Variants in SPOCK1 observed in about 807,000 individuals in gnomAD.
The protein encoded by SPOCK1 is testican-1.
A neutral mutation model predicts 55.3 loss-of-function variants in SPOCK1; 23 were observed. The ratio of observed to expected loss-of-function variants is 0.42; its 90% CI spans 0.30 to 0.59. The LOEUF (loss-of-function observed/expected upper bound fraction) is 0.59. Among genes scored for constraint, SPOCK1 ranks in the 20% least tolerant of loss-of-function variants. The pLI is 0.22. For synonymous variants in SPOCK1, 226 were observed against 221.0 expected (o/e 1.02, Z -0.20); for missense variants, 499 against 552.5 (o/e 0.90, Z 0.97).
At chr5:137,234,916 C>A (rs1292094595) in intron 3 of SPOCK1, among the ~76,000 whole-genome samples, 1 of 152,216 alleles carries the variant, frequency 6.6e-6, no homozygotes, top group Non-Finnish European at 1.5e-5. Flanking sequence ...GAGAGATGAA[C>A]ATCTTACAAC....
intron 3 of SPOCK1, among the ~76,000 whole-genome samples, chr5:137,235,014 C>T (rs1360769147): frequency 6.6e-6 from 1 of 152,208 alleles, no homozygotes; most frequent in African/African-American, 2.4e-5. Flanking sequence ...GACAGTACTG[C>T]TACGGAAGTG....
At chr5:137,149,390 G>T (rs1754268710) in intron 3 of SPOCK1, among the ~76,000 whole-genome samples, 1 of 152,036 alleles carries the variant, frequency 6.6e-6, no homozygotes, top group South Asian at 2.1e-4. Context: ...TAATAGTAAA[G>T]GTATTTGGGT....
At chr5:137,235,632 CTG>C (rs1441435502) in intron 3 of SPOCK1, among the ~76,000 whole-genome samples, 2 of 152,236 alleles carry the variant, frequency 1.3e-5, no homozygotes, top group Non-Finnish European at 2.9e-5. Flanking sequence ...ATGCACGTGT[CTG>C]TGTGAAAACA....
At chr5:137,170,587 T>TTCTCTC (rs56347412) in intron 3 of SPOCK1, among the ~76,000 whole-genome samples, 1,841 of 142,576 alleles carry the variant, frequency 0.013, 14 homozygotes, top group Non-Finnish European at 0.018. Flanking sequence ...AGCCTGTTAT[T>TTCTCTC]TCTCTCTCTC....
chr5:137,227,866 A>G (rs1045303865), intron 3 of SPOCK1, among the ~76,000 whole-genome samples: 8 of 152,098 alleles, frequency 5.3e-5, no homozygotes, highest in African/African-American at 1.4e-4. Context: ...TTCTTGTCCT[A>G]TTTCTTGGGG....
chr5:137,109,251 G>C (rs1285964701), intron 5 of SPOCK1, among the ~76,000 whole-genome samples: 1 of 152,204 alleles, frequency 6.6e-6, no homozygotes, highest in African/African-American at 2.4e-5. Context: ...TTCACAAAGA[G>C]AGAAACATTG....
chr5:137,384,815 A>T (rs1034857228), intron 2 of SPOCK1, among the ~76,000 whole-genome samples: 1 of 152,116 alleles, frequency 6.6e-6, no homozygotes, highest in African/African-American at 2.4e-5. Flanking sequence ...ACAACTAATC[A>T]TTGGATTTAG....
intron 2 of SPOCK1, among the ~76,000 whole-genome samples, chr5:137,437,991 T>C (rs1262134263): frequency 1.3e-5 from 2 of 152,238 alleles, no homozygotes; most frequent in Non-Finnish European, 2.9e-5. Context: ...AAGTATCTCA[T>C]ATAAGTAGAA....
chr5:137,267,375 T>C (rs1033623237), intron 2 of SPOCK1, among the ~76,000 whole-genome samples: 3 of 152,240 alleles, frequency 2.0e-5, no homozygotes, highest in Non-Finnish European at 2.9e-5. Flanking sequence ...CTATCAATTA[T>C]ACTGTAGGTG....
Position 136,978,666 on chromosome 5 carries a change from C to T in SPOCK1, c.1308G>A (p.Gly436=). The T allele has an allele frequency of 6.2e-7, 1 of 1,608,918 alleles. No homozygotes were observed. Among genetic ancestry groups the T allele is most frequent in the Non-Finnish European group, 8.5e-7 (1 of 1,177,970 alleles). ...TTTCTTGTGGGCACTACCATATGTA[C>T]CCGACCTCATCCTCTTTGTCATCAT... The part of the protein sequence containing the change: ...DEDDDKEDEV[G]YIW Residue 436 remains glycine, a synonymous_variant, in exon 11 of 11, where the codon GGG becomes GGA. Transcript: ENST00000394945.
chr5:137,063,472 A>G (rs1452346698), intron 6 of SPOCK1, among the ~76,000 whole-genome samples: 1 of 152,080 alleles, frequency 6.6e-6, no homozygotes, highest in African/African-American at 2.4e-5. Flanking sequence ...AGAGCTGAAG[A>G]TGTTATAACT....
chr5:137,337,462 C>T (rs1014960397), intron 2 of SPOCK1, among the ~76,000 whole-genome samples: 1 of 152,192 alleles, frequency 6.6e-6, no homozygotes, highest in African/African-American at 2.4e-5. Flanking sequence ...GACTTGATGG[C>T]ATCTTCCTTT....
chr5:137,079,541 C>CCCCG (rs1561601633), intron 5 of SPOCK1, among the ~76,000 whole-genome samples: 14 of 149,480 alleles, frequency 9.4e-5, no homozygotes, highest in African/African-American at 3.0e-4. Flanking sequence ...ATTCCCCCCC[C>CCCCG]CCCCGACTTA....
intron 2 of SPOCK1, among the ~76,000 whole-genome samples, chr5:137,451,989 T>C (rs972828558): frequency 6.6e-6 from 1 of 152,224 alleles, no homozygotes; most frequent in Admixed American, 6.5e-5. Flanking sequence ...ACATGCATTA[T>C]ATACTGACCT....
At chr5:137,157,023 G>C (rs1013214411) in intron 3 of SPOCK1, among the ~76,000 whole-genome samples, 5 of 152,022 alleles carry the variant, frequency 3.3e-5, no homozygotes, top group Non-Finnish European at 1.5e-5. Flanking sequence ...GGCCACACTT[G>C]GGCTTGCACT....
intron 3 of SPOCK1, among the ~76,000 whole-genome samples, chr5:137,200,877 G>A (rs562821991): frequency 2.3e-4 from 35 of 152,252 alleles, no homozygotes; most frequent in African/African-American, 3.4e-4. Flanking sequence ...ACCCAGAGCC[G>A]ATTCTAGAAT....
At chr5:137,384,766 C>T (rs1272553090) in intron 2 of SPOCK1, among the ~76,000 whole-genome samples, 1 of 152,048 alleles carries the variant, frequency 6.6e-6, no homozygotes, top group Non-Finnish European at 1.5e-5. Context: ...CCCTCTTTGT[C>T]TCTGTGTGTC....
At chr5:137,216,813 C>T (rs545235667) in intron 3 of SPOCK1, among the ~76,000 whole-genome samples, 16 of 152,214 alleles carry the variant, frequency 1.1e-4, no homozygotes, top group Admixed American at 1.0e-3. Context: ...AATCAGGGGT[C>T]GGGGGTGTGT....
chr5:137,399,363 T>TTTG (rs140515377), intron 2 of SPOCK1, among the ~76,000 whole-genome samples: 3,620 of 150,922 alleles, frequency 0.024, 59 homozygotes, highest in Middle Eastern at 0.065. Flanking sequence ...CTCTTTATTG[T>TTTG]TTGTTGTTGT....
Sources: gnomAD v4.1 joint callset for allele counts (sites outside exome capture counted in the v4.1 genomes callset) on GRCh38, gnomAD v4.1.1 for gene constraint, MANE v1.5 for transcripts, NCBI Gene and HGNC (gene_info 2026-07-23, HGNC 2026-07-21) for gene names.